The following CRPPA variants were observed in gnomAD, a reference collection of about 807,000 sequenced individuals.
The protein encoded by CRPPA is CDP-L-ribitol pyrophosphorylase A, also known as D-ribitol-5-phosphate cytidylyltransferase.
In CRPPA, 43 loss-of-function variants were observed where a neutral mutation model predicts 52.0. The observed-to-expected ratio is 0.83, with a 90% confidence interval of 0.65 to 1.07. The LOEUF is 1.07. CRPPA is among the 50% of genes least tolerant of loss of function. The probability of loss-of-function intolerance (pLI) is 0.00; values close to 1 mark genes in which losing one functional copy is unlikely to be tolerated. For missense variants in CRPPA, 629 were observed against 551.7 expected (o/e 1.14, Z -1.40); for synonymous variants, 250 against 203.5 (o/e 1.23, Z -1.94).
At chr7:16,343,037 C>G (rs1301969520) in intron 3 of CRPPA, among the ~76,000 whole-genome samples, 1 of 151,032 alleles carries the variant, frequency 6.6e-6, no homozygotes, top group Non-Finnish European at 1.5e-5. Flanking sequence ...GAAATCCTGT[C>G]TCAAAAAAAT....
chr7:16,308,721 A>G, intron 3 of CRPPA, 94 bp from the exon 4 acceptor site: 1 of 753,160 alleles, frequency 1.3e-6, no homozygotes, highest in East Asian at 2.7e-5. Flanking sequence ...AAACAAAGGA[A>G]GGGCCTAGGG....
intron 2 of CRPPA, among the ~76,000 whole-genome samples, chr7:16,383,422 T>A (rs529849912): frequency 6.6e-6 from 1 of 152,304 alleles, no homozygotes; most frequent in African/African-American, 2.4e-5. Context: ...GCCTCCCAGT[T>A]AGGCTGCTTG....
intron 6 of CRPPA, 75 bp downstream of exon 6, chr7:16,278,054 T>C: frequency 1.3e-6 from 1 of 772,062 alleles, no homozygotes; most frequent in Non-Finnish European, 2.2e-6. Context: ...TGGGTTTTTT[T>C]CCAAGAAAGA....
At chr7:16,387,118 C>G (rs544782190) in intron 2 of CRPPA, among the ~76,000 whole-genome samples, 1 of 140,882 alleles carries the variant, frequency 7.1e-6, no homozygotes, top group African/African-American at 2.7e-5. Flanking sequence ...TACACACACA[C>G]ACACTTGCTC....
At chr7:16,230,390 G>A (rs1782761709) in intron 8 of CRPPA, among the ~76,000 whole-genome samples, 1 of 151,746 alleles carries the variant, frequency 6.6e-6, no homozygotes, top group Non-Finnish European at 1.5e-5. Context: ...GGCCAATTCT[G>A]CTGTTGATGC....
intron 9 of CRPPA, among the ~76,000 whole-genome samples, chr7:16,143,979 T>A (rs953518335): frequency 1.3e-5 from 2 of 152,156 alleles, no homozygotes; most frequent in South Asian, 2.1e-4. Flanking sequence ...GCTGAATTCG[T>A]CTACAGAAAC....
chr7:16,343,596 T>C (rs1338225378), intron 3 of CRPPA, among the ~76,000 whole-genome samples: 2 of 152,174 alleles, frequency 1.3e-5, no homozygotes, highest in African/African-American at 4.8e-5. Flanking sequence ...GCAAAAACAG[T>C]CAGTGGTAAT....
intron 3 of CRPPA, among the ~76,000 whole-genome samples, chr7:16,321,854 T>C (rs937082906): frequency 6.6e-6 from 1 of 152,094 alleles, no homozygotes; most frequent in African/African-American, 2.4e-5. Context: ...AAAATATTTA[T>C]GGAAAATTTG....
At chr7:16,285,678 G>C (rs1230595410) in intron 5 of CRPPA, among the ~76,000 whole-genome samples, 1 of 151,930 alleles carries the variant, frequency 6.6e-6, no homozygotes, top group Non-Finnish European at 1.5e-5. Context: ...TAATACCTCA[G>C]TCAATGTCTG....
intron 3 of CRPPA, among the ~76,000 whole-genome samples, chr7:16,362,791 G>C (rs756929515): frequency 5.3e-5 from 8 of 152,114 alleles, no homozygotes; most frequent in Non-Finnish European, 8.8e-5. Flanking sequence ...TTTAAAGAAT[G>C]ATCTGCGCAT....
chr7:16,210,102 T>C (rs1782089741), intron 9 of CRPPA, among the ~76,000 whole-genome samples: 2 of 152,216 alleles, frequency 1.3e-5, no homozygotes, highest in Admixed American at 1.3e-4. Flanking sequence ...CTATGCCCTC[T>C]TCCAGATATT....
At chr7:16,356,911 T>C (rs1786309312) in intron 3 of CRPPA, among the ~76,000 whole-genome samples, 1 of 152,190 alleles carries the variant, frequency 6.6e-6, no homozygotes. Context: ...GTTGAGTGTG[T>C]CCTGAGAAGT....
intron 9 of CRPPA, among the ~76,000 whole-genome samples, chr7:16,172,821 T>G (rs969698923): frequency 9.9e-5 from 15 of 152,092 alleles, no homozygotes; most frequent in African/African-American, 3.6e-4. Flanking sequence ...AAAAATCAAT[T>G]TAAGTATCAA....
At chr7:16,135,535 C>A (rs1161179262) in intron 9 of CRPPA, among the ~76,000 whole-genome samples, 2 of 152,166 alleles carry the variant, frequency 1.3e-5, no homozygotes, top group East Asian at 3.9e-4. Context: ...CTTAAAGAAG[C>A]AAACAGAAAC....
chr7:16,407,840 C>T (rs892267951), intron 1 of CRPPA, among the ~76,000 whole-genome samples: 5 of 152,144 alleles, frequency 3.3e-5, no homozygotes, highest in Admixed American at 6.5e-5. Context: ...GGCATGGTGG[C>T]TCATGCCTGT....
At chr7:16,402,878 A>C (rs948437312) in intron 2 of CRPPA, among the ~76,000 whole-genome samples, 1 of 152,170 alleles carries the variant, frequency 6.6e-6, no homozygotes, top group Admixed American at 6.5e-5. Context: ...TCAATATTCA[A>C]ATTAGATAAT....
chr7:16,238,463 C>G (rs575666288), intron 8 of CRPPA, among the ~76,000 whole-genome samples: 1 of 151,928 alleles, frequency 6.6e-6, no homozygotes, highest in Non-Finnish European at 1.5e-5. Flanking sequence ...GATGGAAGGG[C>G]TTGGATAGAC....
chr7:16,233,126 C>T (rs575963735), intron 8 of CRPPA, among the ~76,000 whole-genome samples: 16 of 151,446 alleles, frequency 1.1e-4, no homozygotes, highest in East Asian at 5.8e-4. Context: ...GCCATAAAAA[C>T]GATTTTAAAT....
intron 9 of CRPPA, among the ~76,000 whole-genome samples, chr7:16,100,097 A>G (rs1041853343): frequency 6.6e-6 from 1 of 152,144 alleles, no homozygotes; most frequent in Non-Finnish European, 1.5e-5. Flanking sequence ...TCCACTATCA[A>G]CCTAATCAAC....
Sources: gnomAD v4.1 joint callset for allele counts (sites outside exome capture counted in the v4.1 genomes callset) on GRCh38, gnomAD v4.1.1 for gene constraint, MANE v1.5 for transcripts, NCBI Gene and HGNC (gene_info 2026-07-23, HGNC 2026-07-21) for gene names.